Variants in CNTRL observed in about 807,000 individuals in gnomAD.
CNTRL encodes 110 kDa centrosomal protein.
In CNTRL, 233 loss-of-function variants were observed where a neutral mutation model predicts 303.7. The observed-to-expected ratio is 0.77, with a 90% CI of 0.69 to 0.86. The LOEUF is 0.86. Among genes scored for constraint, CNTRL ranks in the 40% least tolerant of loss-of-function variants. The pLI is 0.00. For missense variants in CNTRL, 2,524 were observed against 2,650.6 expected, an observed-to-expected ratio of 0.95 and a Z score of 1.05; for synonymous variants, 900 against 922.2, an observed-to-expected ratio of 0.98 and a Z score of 0.44.
At chr9:121,127,205 C>T (rs900053803) in intron 14 of CNTRL, among the ~76,000 whole-genome samples, 21 of 152,160 alleles carry the variant, frequency 1.4e-4, no homozygotes, top group African/African-American at 5.1e-4. Flanking sequence ...GCTTTATGGA[C>T]ATACCACAAA....
At chr9:121,079,581 T>A (rs2048060271) in intron 1 of CNTRL, among the ~76,000 whole-genome samples, 1 of 152,190 alleles carries the variant, frequency 6.6e-6, no homozygotes, top group Non-Finnish European at 1.5e-5. Context: ...GATTTTGGAT[T>A]TTTTCGGATT....
chr9:121,139,591 T>C lies in CNTRL; in HGVS notation c.2337+912T>C, dbSNP rs539219445. Among the ~76,000 whole-genome samples the C allele has an allele frequency of 3.3e-5, 5 of 152,344 alleles. No individual in the cohort carries two copies. The South Asian group carries it at 6.2e-4, about 19-fold the overall frequency. ...TCTGAAGCAAATATCATAAAAGATA[T>C]ACATGTTTTCCATTACTATGTGAGG... is the stretch of plus-strand genomic sequence containing the variant. On this transcript the variant is annotated intron_variant, in intron 16 of 43. Transcript: ENST00000373855.
intron 16 of CNTRL, among the ~76,000 whole-genome samples, chr9:121,139,698 A>G (rs1457033100): frequency 6.6e-6 from 1 of 152,186 alleles, no homozygotes; most frequent in African/African-American, 2.4e-5. Flanking sequence ...AAAACAGAAT[A>G]GCTTATGACC....
In CNTRL at chr9:121,173,458, GA is replaced by G. The variant is rs758292252; in HGVS notation, c.6635del (p.Asn2212MetfsTer9). 1 of 1,613,856 alleles carries G rather than the reference GA, an allele frequency of 6.2e-7. No individual in the cohort carries two copies. The highest frequency in any genetic ancestry group is 2.2e-5 in the East Asian group (1 of 44,884). On this transcript the variant is annotated frameshift_variant, in exon 41 of 44. Coordinates refer to ENST00000373855, the MANE Select transcript of CNTRL (RefSeq NM_007018.6). LOFTEE classifies it high-confidence loss of function. ...SLKENLPFTM[N>X]EGPFEEKLNF... ...TGAAAGAGAACCTTCCATTTACCAT[GA>G]ATGAGGGACCTTTTGAAGAAAAACT...
intron 37 of CNTRL, 52 bp downstream of exon 37, chr9:121,167,729 A>G: frequency 6.6e-7 from 1 of 1,517,488 alleles, no homozygotes; most frequent in Non-Finnish European, 9.0e-7. Flanking sequence ...GGCTCATGTG[A>G]GCCTATTTTT....
At position 121,160,304 on chromosome 9, in the gene CNTRL, T is replaced by C; in HGVS notation, c.5089+2T>C. 6.7e-7 allele frequency: 1 copy of C among 1,500,140 alleles called. No homozygotes were observed. Among genetic ancestry groups the C allele is most frequent in the Non-Finnish European group, 8.8e-7 (1 of 1,130,228 alleles). The allele number at this position is 1,500,140 out of a possible 1,614,324, so 92.9% of individuals were successfully genotyped here. On this transcript the variant is annotated splice_donor_variant, in intron 32 of 43. Transcript: ENST00000373855. LOFTEE classifies it high-confidence loss of function. ...GGCAGATGTCTAAACATAAAACCGG[T>C]AAGTTTAAAGGAAAACAATCATACA...
chr9:121,150,980 A>T (rs144776470), intron 25 of CNTRL, among the ~76,000 whole-genome samples: 102 of 152,352 alleles, frequency 6.7e-4, no homozygotes, highest in Non-Finnish European at 1.2e-3. Flanking sequence ...ATGAGTGTAT[A>T]CACATGTATG....
intron 13 of CNTRL, 41 bp downstream of exon 13, chr9:121,124,125 G>A: frequency 6.6e-7 from 1 of 1,525,054 alleles, no homozygotes; most frequent in South Asian, 1.3e-5. Context: ...CAGTGTTATT[G>A]CTGGTAAAAG....
chr9:121,160,073 CAG>C, intron 31 of CNTRL, 68 bp from the exon 32 acceptor site: 7 of 1,157,084 alleles, frequency 6.0e-6, no homozygotes, highest in Non-Finnish European at 7.0e-6. Context: ...CAATAAATAA[CAG>C]AACTTATTTT....
At chr9:121,092,096 T>G in intron 4 of CNTRL, among the ~76,000 whole-genome samples, 1 of 146,846 alleles carries the variant, frequency 6.8e-6, no homozygotes, top group Admixed American at 6.9e-5. Context: ...TATAAATATA[T>G]ACATATTTTA....
chr9:121,088,201 G>A, intron 2 of CNTRL, 95 bp from the exon 3 acceptor site: 1 of 648,838 alleles, frequency 1.5e-6, no homozygotes, highest in Non-Finnish European at 2.7e-6. Context: ...TATGGCCTCT[G>A]AGTTTATAAC....
intron 12 of CNTRL, among the ~76,000 whole-genome samples, chr9:121,119,313 CT>C (rs573341305): frequency 1.6e-3 from 216 of 136,954 alleles, no homozygotes; most frequent in Middle Eastern, 3.8e-3. Context: ...CTCTCTCTCT[CT>C]TTTTTTTTTT....
At chr9:121,165,178 A>T in intron 35 of CNTRL, 78 bp downstream of exon 35, 1 of 1,318,812 alleles carries the variant, frequency 7.6e-7, no homozygotes, top group East Asian at 2.5e-5. Flanking sequence ...TACGACAAGT[A>T]ATTCCTGCTA....
intron 8 of CNTRL, among the ~76,000 whole-genome samples, chr9:121,108,388 A>G (rs1049421067): frequency 6.6e-6 from 1 of 152,168 alleles, no homozygotes; most frequent in African/African-American, 2.4e-5. Flanking sequence ...TCCCTGGTGC[A>G]CGTTACTCAG....
chr9:121,118,511 G>T lies in CNTRL; in HGVS notation c.1621G>T (p.Asp541Tyr). The T allele has an allele frequency of 6.2e-7, 1 of 1,602,646 alleles. No individual in the cohort carries two copies. The highest frequency in any genetic ancestry group is 8.5e-7 in the Non-Finnish European group (1 of 1,174,420). The change falls in exon 12 of 44, where the codon GAT (aspartate) becomes TAT (tyrosine). Residue 541 changes from aspartate to tyrosine, a missense_variant. By Grantham distance (160) the Asp-to-Tyr change is radical. Coordinates refer to ENST00000373855, the MANE Select transcript of CNTRL (RefSeq NM_007018.6). ...GATTAAGGACCTGCAAATAGCCATAGATAGCCTGGATTCCAAAGACCCAAA... is the reference window on the plus strand; with the variant it reads ...GATTAAGGACCTGCAAATAGCCATATATAGCCTGGATTCCAAAGACCCAAA... ...KEIKDLQIAI[D>Y]SLDSKDPKHS... is the part of the protein sequence containing the mutation.
intron 2 of CNTRL, among the ~76,000 whole-genome samples, chr9:121,082,520 G>A (rs1161843797): frequency 6.6e-6 from 1 of 152,178 alleles, no homozygotes; most frequent in Non-Finnish European, 1.5e-5. Context: ...TGCGTTGTTA[G>A]ACAATTTCAT....
At chr9:121,114,121 T>C (rs2049875529) in intron 10 of CNTRL, among the ~76,000 whole-genome samples, 1 of 152,216 alleles carries the variant, frequency 6.6e-6, no homozygotes, top group East Asian at 1.9e-4. Flanking sequence ...AACAGAGCAT[T>C]CTCCTCAGGC....
chr9:121,094,188 G>A (rs1243115595), intron 4 of CNTRL, among the ~76,000 whole-genome samples: 3 of 148,906 alleles, frequency 2.0e-5, no homozygotes, highest in South Asian at 2.1e-4. Context: ...TTCTGCTGCT[G>A]TAACAGACTA....
intron 30 of CNTRL, chr9:121,158,643 T>C (rs2052703900): frequency 1.9e-6 from 1 of 522,414 alleles, no homozygotes. Flanking sequence ...TTGTTGTTCT[T>C]ACTGTGATCA....
Sources: gnomAD v4.1 joint callset for allele counts (sites outside exome capture counted in the v4.1 genomes callset) on GRCh38, gnomAD v4.1.1 for gene constraint, MANE v1.5 for transcripts, NCBI Gene and HGNC (gene_info 2026-07-23, HGNC 2026-07-21) for gene names.